PITPNC1: variants seen among roughly 807,000 people sequenced by gnomAD.
The protein encoded by PITPNC1 is cytoplasmic phosphatidylinositol transfer protein 1.
PITPNC1 carries 18 observed loss-of-function variants against 44.7 expected under a neutral mutation model. The ratio of observed to expected loss-of-function variants is 0.40; its 90% CI spans 0.28 to 0.60. The LOEUF is 0.60. Ranked by LOEUF, PITPNC1 falls within the 20% of genes least tolerant of loss-of-function variation. The probability of loss-of-function intolerance (pLI) is 0.39; values close to 1 mark genes in which losing one functional copy is unlikely to be tolerated. For missense variants in PITPNC1, 290 were observed against 418.4 expected, an observed-to-expected ratio of 0.69 and a Z score of 2.68; for synonymous variants, 141 against 149.6, an observed-to-expected ratio of 0.94 and a Z score of 0.42.
chr17:67,494,216 TTTGAGA>T (rs2039909810), intron 1 of PITPNC1, among the ~76,000 whole-genome samples: 1 of 148,154 alleles, frequency 6.7e-6, no homozygotes. Context: ...TTTCTTTCTT[TTTGAGA>T]CGTAGTCTTG....
intron 1 of PITPNC1, among the ~76,000 whole-genome samples, chr17:67,466,026 A>G (rs9903003): frequency 0.3 from 46,005 of 151,030 alleles, 7,279 homozygotes; most frequent in African/African-American, 0.38. Context: ...TTAGAGACAG[A>G]GTCTCCCTCT....
At chr17:67,470,127 C>T (rs1263140630) in intron 1 of PITPNC1, among the ~76,000 whole-genome samples, 5 of 152,086 alleles carry the variant, frequency 3.3e-5, no homozygotes, top group South Asian at 4.2e-4. Flanking sequence ...TTCACCATGT[C>T]GGCCAGGCTG....
At chr17:67,406,977 C>G (rs1415927866) in intron 1 of PITPNC1, among the ~76,000 whole-genome samples, 1 of 152,218 alleles carries the variant, frequency 6.6e-6, no homozygotes, top group Non-Finnish European at 1.5e-5. Flanking sequence ...TGAACATTCA[C>G]ATACAAGCTT....
chr17:67,415,997 T>C (rs1247995500), intron 1 of PITPNC1, among the ~76,000 whole-genome samples: 1 of 152,136 alleles, frequency 6.6e-6, no homozygotes, highest in East Asian at 1.9e-4. Context: ...GTTCGTTAGG[T>C]TGAAGAACAA....
intron 1 of PITPNC1, among the ~76,000 whole-genome samples, chr17:67,397,144 C>T (rs2038232100): frequency 6.6e-6 from 1 of 152,054 alleles, no homozygotes; most frequent in African/African-American, 2.4e-5. Flanking sequence ...CCACGCCCGG[C>T]TAATTTTTGT....
At chr17:67,653,146 G>A (rs1297574926) in intron 6 of PITPNC1, among the ~76,000 whole-genome samples, 2 of 152,138 alleles carry the variant, frequency 1.3e-5, no homozygotes, top group Non-Finnish European at 2.9e-5. Context: ...GCCAGGAGTG[G>A]TGGTGGGCGC....
At chr17:67,608,081 C>T (rs904753151) in intron 5 of PITPNC1, among the ~76,000 whole-genome samples, 2 of 152,108 alleles carry the variant, frequency 1.3e-5, no homozygotes, top group African/African-American at 4.8e-5. Context: ...AGGGCTTTCC[C>T]TTACGTAACC....
chr17:67,638,956 A>T (rs975099373), intron 6 of PITPNC1: 1 of 152,054 alleles, frequency 6.6e-6, no homozygotes, highest in African/African-American at 2.4e-5. Flanking sequence ...ACAAAAAAAA[A>T]ATAAAAATAA....
At chr17:67,566,642 G>C (rs2040984949) in intron 4 of PITPNC1, among the ~76,000 whole-genome samples, 1 of 152,214 alleles carries the variant, frequency 6.6e-6, no homozygotes, top group East Asian at 1.9e-4. Flanking sequence ...TTTCTGAAAT[G>C]AATAATTATT....
At chr17:67,688,230 C>A (rs1301355098) in intron 8 of PITPNC1, among the ~76,000 whole-genome samples, 1 of 150,112 alleles carries the variant, frequency 6.7e-6, no homozygotes, top group African/African-American at 2.5e-5. Context: ...CCTAGCTACT[C>A]AGGAGGCTAA....
At chr17:67,619,449 C>T (rs1018910375) in intron 5 of PITPNC1, among the ~76,000 whole-genome samples, 2 of 152,168 alleles carry the variant, frequency 1.3e-5, no homozygotes, top group Non-Finnish European at 2.9e-5. Flanking sequence ...TCCAGGGGCT[C>T]TTTTCTACTT....
chr17:67,613,754 C>T (rs1474750567), intron 5 of PITPNC1: 1 of 149,858 alleles, frequency 6.7e-6, no homozygotes, highest in Non-Finnish European at 1.5e-5. Context: ...ACCCAAGAGG[C>T]AGAGGTTGCA....
chr17:67,692,565 C>A lies in PITPNC1; in HGVS notation c.683-7C>A. 1 of 1,603,606 alleles carries A rather than the reference C, an allele frequency of 6.2e-7. No homozygotes were observed. The highest frequency in any genetic ancestry group is 8.5e-7 in the Non-Finnish European group (1 of 1,171,260). On this transcript the variant is annotated splice_polypyrimidine_tract_variant and splice_region_variant and intron_variant, in intron 8 of 8. Coordinates refer to ENST00000581322, the MANE Select transcript of PITPNC1 (RefSeq NM_012417.4). ...GCTCGTTTTTCTTTCTGTTTTTCTC[C>A]TTGAAGACATGACAATGGATGAAGT...
chr17:67,631,003 A>G (rs2041958385), intron 5 of PITPNC1, among the ~76,000 whole-genome samples: 3 of 151,344 alleles, frequency 2.0e-5, no homozygotes, highest in African/African-American at 4.8e-5. Context: ...TGAACCACTG[A>G]GCCCAGGCCG....
At chr17:67,611,114 A>C (rs985829367) in intron 5 of PITPNC1, among the ~76,000 whole-genome samples, 1 of 152,168 alleles carries the variant, frequency 6.6e-6, no homozygotes, top group Non-Finnish European at 1.5e-5. Context: ...ACAGCAAAAA[A>C]TAAAAATTAA....
At chr17:67,431,062 CT>C (rs6146118) in intron 1 of PITPNC1, among the ~76,000 whole-genome samples, 47 of 133,010 alleles carry the variant, frequency 3.5e-4, no homozygotes, top group Admixed American at 3.2e-4. Context: ...GTTACTGTTT[CT>C]TTTTTTTTTT....
intron 1 of PITPNC1, among the ~76,000 whole-genome samples, chr17:67,431,619 A>T (rs1367571033): frequency 6.6e-6 from 1 of 152,218 alleles, no homozygotes; most frequent in African/African-American, 2.4e-5. Flanking sequence ...CTTAAAATAC[A>T]TCTCATGTGC....
intron 1 of PITPNC1, among the ~76,000 whole-genome samples, chr17:67,440,538 A>C (rs1598665006): frequency 7.5e-6 from 1 of 133,284 alleles, no homozygotes; most frequent in Non-Finnish European, 1.6e-5. Flanking sequence ...TTATTTATTT[A>C]TTTATTTATT....
chr17:67,687,298 C>T (rs2042834849), intron 8 of PITPNC1: 1 of 642,748 alleles, frequency 1.6e-6, no homozygotes, highest in Non-Finnish European at 2.8e-6. Context: ...CATGTCGTCA[C>T]CCAGACCCTG....
Sources: gnomAD v4.1 joint callset for allele counts (sites outside exome capture counted in the v4.1 genomes callset) on GRCh38, gnomAD v4.1.1 for gene constraint, MANE v1.5 for transcripts, NCBI Gene and HGNC (gene_info 2026-07-23, HGNC 2026-07-21) for gene names.